Variants in ULK4 observed in about 807,000 individuals in gnomAD.
ULK4 encodes the protein unc-51 like kinase 4.
In ULK4, 133 loss-of-function variants were observed where a neutral mutation model predicts 160.6. The ratio of observed to expected loss-of-function variants is 0.83; its 90% confidence interval spans 0.72 to 0.96. The LOEUF (loss-of-function observed/expected upper bound fraction) is 0.96. Among genes scored for constraint, ULK4 ranks in the 40% least tolerant of loss-of-function variants. ULK4 has a pLI of 0.00. For missense variants in ULK4, 1,580 were observed against 1,499.5 expected (o/e 1.05, Z -0.89); for synonymous variants, 534 against 539.8 (o/e 0.99, Z 0.15).
chr3:41,314,438 T>C (rs2080109671), intron 35 of ULK4, among the ~76,000 whole-genome samples: 2 of 152,166 alleles, frequency 1.3e-5, no homozygotes, highest in Admixed American at 6.5e-5. Context: ...ACTTATGAGT[T>C]TGAACATGTG....
At chr3:41,688,839 G>A (rs1318784343) in intron 27 of ULK4, among the ~76,000 whole-genome samples, 1 of 152,098 alleles carries the variant, frequency 6.6e-6, no homozygotes, top group African/African-American at 2.4e-5. Context: ...ATTTGCTTCT[G>A]GAAGCCTGAA....
rs181475377 is a variant in ULK4, at chr3:41,934,978, A to C, written c.378+823T>G. Among the ~76,000 whole-genome samples the C allele has an allele frequency of 2.7e-3, 413 of 151,630 alleles. 6 individuals carry two copies. The highest frequency in any genetic ancestry group is 2.4e-3 in the Non-Finnish European group (162 of 67,940). ...TTCACATTCAAAAAGCAACTTAGGCAGCTAAAATACTGTACCATATATTTC... is the reference window on the plus strand; with the variant it reads ...TTCACATTCAAAAAGCAACTTAGGCCGCTAAAATACTGTACCATATATTTC... On this transcript the variant is annotated intron_variant, in intron 4 of 36. Coordinates refer to ENST00000301831, the MANE Select transcript of ULK4 (RefSeq NM_017886.4).
intron 32 of ULK4, among the ~76,000 whole-genome samples, chr3:41,497,951 T>C (rs752568735): frequency 8.5e-5 from 13 of 152,164 alleles, no homozygotes; most frequent in Non-Finnish European, 7.4e-5. Context: ...AAACCCATCA[T>C]AACTGGAGAT....
chr3:41,628,872 T>C (rs1344331451), intron 30 of ULK4, among the ~76,000 whole-genome samples: 1 of 152,174 alleles, frequency 6.6e-6, no homozygotes, highest in Non-Finnish European at 1.5e-5. Flanking sequence ...TATTTGAAAG[T>C]TTAAAAGTTT....
intron 21 of ULK4, among the ~76,000 whole-genome samples, chr3:41,774,284 C>A (rs1273323496): frequency 6.6e-6 from 1 of 150,878 alleles, no homozygotes; most frequent in South Asian, 2.1e-4. Context: ...AGTGAACAGG[C>A]AACCTACAAA....
chr3:41,839,315 G>A (rs2041845853), intron 17 of ULK4, among the ~76,000 whole-genome samples: 1 of 151,404 alleles, frequency 6.6e-6, no homozygotes, highest in African/African-American at 2.4e-5. Flanking sequence ...ACTCCAGCCT[G>A]GGCAACAGAG....
chr3:41,688,802 T>C (rs2036185891), intron 27 of ULK4, among the ~76,000 whole-genome samples: 1 of 152,324 alleles, frequency 6.6e-6, no homozygotes. Flanking sequence ...ACCTCACTTA[T>C]CTGCTTTTTA....
chr3:41,631,842 GT>G (rs572281987), intron 30 of ULK4, among the ~76,000 whole-genome samples: 1 of 152,064 alleles, frequency 6.6e-6, no homozygotes, highest in Non-Finnish European at 1.5e-5. Flanking sequence ...CTATGATGTG[GT>G]TGCAAGTCCT....
intron 5 of ULK4, among the ~76,000 whole-genome samples, chr3:41,927,176 G>C (rs964020446): frequency 6.6e-6 from 1 of 152,214 alleles, no homozygotes; most frequent in South Asian, 2.1e-4. Context: ...AGCCAGAAAA[G>C]AGTGGGGGTC....
intron 22 of ULK4, among the ~76,000 whole-genome samples, chr3:41,730,983 T>C (rs2037802487): frequency 6.6e-6 from 1 of 152,050 alleles, no homozygotes; most frequent in African/African-American, 2.4e-5. Flanking sequence ...TCAACATCCT[T>C]CAAAATAAAA....
intron 30 of ULK4, among the ~76,000 whole-genome samples, chr3:41,635,867 GT>G (rs2125709161): frequency 6.6e-6 from 1 of 152,156 alleles, no homozygotes; most frequent in East Asian, 1.9e-4. Context: ...ATTCTATTGG[GT>G]TTTTAAAAAT....
intron 27 of ULK4, among the ~76,000 whole-genome samples, chr3:41,682,141 T>C (rs2035944086): frequency 6.6e-6 from 1 of 152,130 alleles, no homozygotes; most frequent in South Asian, 2.1e-4. Context: ...AAGCTGGTGA[T>C]CATTACATCA....
intron 32 of ULK4, among the ~76,000 whole-genome samples, chr3:41,531,635 A>T (rs2086323572): frequency 6.6e-6 from 1 of 152,206 alleles, no homozygotes; most frequent in Non-Finnish European, 1.5e-5. Context: ...TATTACTATA[A>T]TTTAAACTTT....
intron 35 of ULK4, among the ~76,000 whole-genome samples, chr3:41,383,336 T>C (rs567569890): frequency 6.6e-6 from 1 of 152,234 alleles, no homozygotes; most frequent in East Asian, 1.9e-4. Context: ...TGACCTAAGG[T>C]GATCCACCTG....
chr3:41,367,391 G>A (rs1242757198), intron 35 of ULK4, among the ~76,000 whole-genome samples: 2 of 152,216 alleles, frequency 1.3e-5, no homozygotes, highest in Non-Finnish European at 2.9e-5. Flanking sequence ...GGGACGGAAG[G>A]TTGAGAGTCT....
At chr3:41,254,009 A>G (rs1324709480) in intron 35 of ULK4, among the ~76,000 whole-genome samples, 1 of 152,234 alleles carries the variant, frequency 6.6e-6, no homozygotes, top group African/African-American at 2.4e-5. Context: ...AAAAACTGAT[A>G]CAACTGAAAA....
At chr3:41,279,265 A>AAAC (rs1553638202) in intron 35 of ULK4, among the ~76,000 whole-genome samples, 4 of 145,034 alleles carry the variant, frequency 2.8e-5, no homozygotes. Context: ...TAAAAAAAAA[A>AAAC]AAAAAAAAAA....
intron 22 of ULK4, among the ~76,000 whole-genome samples, chr3:41,727,935 T>C (rs192582743): frequency 2.6e-5 from 4 of 152,254 alleles, no homozygotes; most frequent in African/African-American, 4.8e-5. Context: ...TTGCTGTTGA[T>C]TGGATAGGAG....
chr3:41,867,531 C>T (rs549667356), intron 17 of ULK4, among the ~76,000 whole-genome samples: 48 of 152,250 alleles, frequency 3.2e-4, no homozygotes, highest in African/African-American at 9.4e-4. Context: ...ACCACCATGC[C>T]CAGATAATTT....
Sources: gnomAD v4.1 joint callset for allele counts (sites outside exome capture counted in the v4.1 genomes callset) on GRCh38, gnomAD v4.1.1 for gene constraint, MANE v1.5 for transcripts, NCBI Gene and HGNC (gene_info 2026-07-23, HGNC 2026-07-21) for gene names.